The following WASF3 variants were observed in gnomAD, a reference collection of about 807,000 sequenced individuals.
WASF3 encodes the protein WASP family member 3, also known as actin-binding protein WASF3.
A neutral mutation model predicts 46.6 loss-of-function variants in WASF3; 11 were observed. The ratio of observed to expected loss-of-function variants is 0.24; its 90% CI spans 0.15 to 0.39. WASF3 has a LOEUF of 0.39. Ranked by LOEUF, WASF3 falls within the 10% of genes least tolerant of loss-of-function variation. WASF3 has a pLI of 1.00. For missense variants in WASF3, 576 were observed against 669.8 expected, an observed-to-expected ratio of 0.86 and a Z score of 1.55; for synonymous variants, 242 against 259.7, an observed-to-expected ratio of 0.93 and a Z score of 0.65.
chr13:26,652,894 T>C (rs1247200636), intron 3 of WASF3, among the ~76,000 whole-genome samples: 3 of 102,972 alleles, frequency 2.9e-5, no homozygotes, highest in Non-Finnish European at 5.6e-5. Context: ...TTTAAAATCA[T>C]GAGCCCATGC....
the WASF3 span, among the ~76,000 whole-genome samples, chr13:26,542,649 A>C: frequency 1.2e-4 from 19 of 152,338 alleles, no homozygotes; most frequent in Non-Finnish European, 2.4e-4. Context: ...TAAAGTATTG[A>C]GCACCTATTC....
At chr13:26,594,915 C>G (rs1267393953) in intron 1 of WASF3, among the ~76,000 whole-genome samples, 2 of 152,194 alleles carry the variant, frequency 1.3e-5, no homozygotes, top group Non-Finnish European at 2.9e-5. Flanking sequence ...GTTTAACATT[C>G]ATCTTCAGAT....
chr13:26,596,371 C>G (rs1880462949), intron 1 of WASF3, among the ~76,000 whole-genome samples: 1 of 150,226 alleles, frequency 6.7e-6, no homozygotes, highest in Non-Finnish European at 1.5e-5. Flanking sequence ...AGAGTTCTCT[C>G]TCTAGTTTTT....
chr13:26,586,749 T>G lies in WASF3; in HGVS notation c.-108-26212T>G, dbSNP rs1423229503. On this transcript the variant is annotated intron_variant, in intron 1 of 9. Coordinates refer to ENST00000335327, the MANE Select transcript of WASF3 (RefSeq NM_006646.6). Reference sequence around the variant, plus strand: ...GGAGACTGGGTTTTAGACCTTATTCTGACATTAACTGGCTCTGTAATAAAA... The same window carrying G: ...GGAGACTGGGTTTTAGACCTTATTCGGACATTAACTGGCTCTGTAATAAAA... Among the ~76,000 whole-genome samples, 4 of 152,184 alleles carry G rather than the reference T, an allele frequency of 2.6e-5. 1 individual carries two copies. The highest frequency in any genetic ancestry group is 2.6e-4 in the Admixed American group (4 of 15,272).
intron 1 of WASF3, among the ~76,000 whole-genome samples, chr13:26,587,947 C>T (rs1880179888): frequency 6.6e-6 from 1 of 151,892 alleles, no homozygotes; most frequent in Admixed American, 6.6e-5. Context: ...TGCTATAGGA[C>T]TTAAAAAGAA....
intron 2 of WASF3, among the ~76,000 whole-genome samples, chr13:26,623,521 A>G (rs1881369702): frequency 6.6e-6 from 1 of 152,226 alleles, no homozygotes; most frequent in Admixed American, 6.5e-5. Flanking sequence ...AAAGCAGGAC[A>G]GACTCTTAGG....
chr13:26,575,893 A>G (rs1274536273), intron 1 of WASF3, among the ~76,000 whole-genome samples: 1 of 152,162 alleles, frequency 6.6e-6, no homozygotes, highest in Non-Finnish European at 1.5e-5. Flanking sequence ...AAAGTCTAAT[A>G]GTTTACTAGG....
At chr13:26,637,444 C>T (rs1464032891) in intron 2 of WASF3, among the ~76,000 whole-genome samples, 2 of 152,142 alleles carry the variant, frequency 1.3e-5, no homozygotes, top group South Asian at 2.1e-4. Context: ...CTCTTACTCT[C>T]ACAACTGGAC....
chr13:26,615,025 G>T (rs904082983), intron 2 of WASF3, among the ~76,000 whole-genome samples: 3 of 152,016 alleles, frequency 2.0e-5, no homozygotes, highest in African/African-American at 7.2e-5. Context: ...TCTCTAGGAG[G>T]AGTGCTTTTT....
In WASF3 at chr13:26,649,819, A is replaced by G. The variant is rs369525546; in HGVS notation, c.133+7416A>G. 2.8e-4 allele frequency among the ~76,000 whole-genome samples: 43 copies of G among 152,140 alleles called. 1 individual carries two copies. Among genetic ancestry groups the G allele is most frequent in the African/African-American group, 2.4e-5 (1 of 41,416 alleles). ...AAAACATCTGGGCACGGTGGCTCAC[A>G]CCTGTAATCCCGGCACTTTGGGAGG... On this transcript the variant is annotated intron_variant, in intron 3 of 9. Transcript: ENST00000335327.
At chr13:26,661,110 C>G (rs1039302004) in intron 3 of WASF3, among the ~76,000 whole-genome samples, 1 of 152,220 alleles carries the variant, frequency 6.6e-6, no homozygotes, top group Non-Finnish European at 1.5e-5. Flanking sequence ...CTATCATGTC[C>G]CACCTCCAAC....
chr13:26,661,189 C>T (rs1882619340), intron 3 of WASF3, among the ~76,000 whole-genome samples: 1 of 152,196 alleles, frequency 6.6e-6, no homozygotes, highest in Non-Finnish European at 1.5e-5. Flanking sequence ...GTAATGTTAA[C>T]CACTGTGTAC....
intron 1 of WASF3, among the ~76,000 whole-genome samples, chr13:26,589,117 G>T (rs1351487577): frequency 6.6e-6 from 1 of 152,144 alleles, no homozygotes; most frequent in Non-Finnish European, 1.5e-5. Context: ...TATTGCTTGA[G>T]GTTGAGCATT....
At chr13:26,614,206 CCT>C (rs1881065073) in intron 2 of WASF3, among the ~76,000 whole-genome samples, 3 of 152,142 alleles carry the variant, frequency 2.0e-5, no homozygotes, top group Admixed American at 2.0e-4. Context: ...GATCTCTAAT[CCT>C]AGCTTGCCTT....
intron 1 of WASF3, among the ~76,000 whole-genome samples, chr13:26,558,110 C>A (rs956532099): frequency 2.6e-5 from 4 of 151,846 alleles, no homozygotes; most frequent in Non-Finnish European, 5.9e-5. Context: ...GCCTCCGGCC[C>A]TTTGCCGTCC....
chr13:26,595,378 A>G (rs1395734540), intron 1 of WASF3, among the ~76,000 whole-genome samples: 2 of 152,222 alleles, frequency 1.3e-5, no homozygotes, highest in East Asian at 3.8e-4. Context: ...GAACATGGCA[A>G]AAAAGAAGTT....
At chr13:26,652,218 CACAAGTTATAAGAAA>C (rs1362198896) in intron 3 of WASF3, among the ~76,000 whole-genome samples, 1 of 152,112 alleles carries the variant, frequency 6.6e-6, no homozygotes, top group African/African-American at 2.4e-5. Context: ...GCCCTGCAAA[CACAAGTTATAAGAAA>C]GCTGGTGTGG....
At chr13:26,565,844 T>C (rs962548054) in intron 1 of WASF3, among the ~76,000 whole-genome samples, 1 of 152,106 alleles carries the variant, frequency 6.6e-6, no homozygotes, top group Non-Finnish European at 1.5e-5. Context: ...TTGAAATCTT[T>C]ATAGCGTCTC....
At chr13:26,599,263 A>T (rs1472483102) in intron 1 of WASF3, among the ~76,000 whole-genome samples, 1 of 145,912 alleles carries the variant, frequency 6.9e-6, no homozygotes, top group African/African-American at 2.5e-5. Flanking sequence ...ACTCACAGCA[A>T]CCTCTGCCTC....
Sources: allele counts gnomAD v4.1 joint callset (sites outside exome capture counted in the v4.1 genomes callset), GRCh38; gene constraint gnomAD v4.1.1; transcripts MANE v1.5; gene names NCBI Gene and HGNC (gene_info 2026-07-23, HGNC 2026-07-21).